Variants in ACTR1A observed in about 807,000 individuals in gnomAD.
ACTR1A encodes the protein alpha-centractin.
A neutral mutation model predicts 50.7 loss-of-function variants in ACTR1A; 10 were observed. The observed-to-expected ratio is 0.20, with a 90% CI of 0.12 to 0.33. The LOEUF is 0.33. Among genes scored for constraint, ACTR1A ranks in the 10% least tolerant of loss-of-function variants. The pLI is 1.00. For missense variants in ACTR1A, 253 were observed against 491.7 expected, an observed-to-expected ratio of 0.51 and a Z score of 4.59; for synonymous variants, 177 against 184.2, an observed-to-expected ratio of 0.96 and a Z score of 0.32.
At chr10:102,500,862 C>T (rs2062247381) in intron 1 of ACTR1A, among the ~76,000 whole-genome samples, 1 of 151,992 alleles carries the variant, frequency 6.6e-6, no homozygotes, top group Admixed American at 6.6e-5. Flanking sequence ...CGCAACAGCC[C>T]AGGAGTTTGA....
chr10:102,489,425 C>T (rs972458037), intron 2 of ACTR1A, among the ~76,000 whole-genome samples: 3 of 152,074 alleles, frequency 2.0e-5, no homozygotes, highest in African/African-American at 7.2e-5. Context: ...AGTGTATGAA[C>T]AGACCAAGAA....
At chr10:102,481,716 G>T in intron 9 of ACTR1A, 121 bp downstream of exon 9, 2 of 1,188,576 alleles carry the variant, frequency 1.7e-6, no homozygotes, top group Non-Finnish European at 2.5e-6. Context: ...GGAACCTGGC[G>T]CTGCTTGTAG....
chr10:102,502,294 GGGGGAGAGGGC>G (rs2135593594), intron 1 of ACTR1A, among the ~76,000 whole-genome samples: 1 of 152,382 alleles, frequency 6.6e-6, no homozygotes, highest in South Asian at 2.1e-4. Context: ...GATCGGAAAT[GGGGGAGAGGGC>G]GGGCGACGGG....
In ACTR1A at chr10:102,494,754, G is replaced by A. The variant is rs140218134; in HGVS notation, c.49-4141C>T. Among the ~76,000 whole-genome samples, 595 of 151,938 alleles carry A rather than the reference G, an allele frequency of 3.9e-3. 6 individuals carry two copies. The highest frequency in any genetic ancestry group is 0.013 in the African/African-American group (558 of 41,442). The stretch of plus-strand genomic sequence containing the variant: ...GAGGATTGCTTGAGGCCAAGAGTTC[G>A]AGAGACCAGCCTGGGCAACATGGCA... On this transcript the variant is annotated intron_variant, in intron 1 of 10. Transcript: ENST00000369905.
chr10:102,479,827 A>G lies in ACTR1A; in HGVS notation c.*1036T>C. 4.5e-6 allele frequency: 2 copies of G among 442,130 alleles called. No homozygotes were observed. The highest frequency in any genetic ancestry group is 2.1e-5 in the South Asian group (1 of 47,828). The allele number at this position is 442,130 out of a possible 1,614,324, so 27.4% of individuals were successfully genotyped here. On this transcript the variant is annotated 3_prime_UTR_variant, in exon 11 of 11. Transcript: ENST00000369905. This position sits in a 1 kb window ranked among gnomAD's most constrained non-coding sequence, Gnocchi z 4.0. ...AAAGAAAAATTTTACCTCCTGTTTC[A>G]GAAAATCTAACCAGCAACCAGCCTG... is the stretch of plus-strand genomic sequence containing the variant.
intron 1 of ACTR1A, among the ~76,000 whole-genome samples, chr10:102,502,178 G>C (rs1291748906): frequency 6.6e-6 from 1 of 152,250 alleles, no homozygotes; most frequent in East Asian, 1.9e-4. Context: ...CGGCAAGGAA[G>C]AATGGCAGGG....
chr10:102,490,744 A>C, intron 1 of ACTR1A, 131 bp from the exon 2 acceptor site: 1 of 652,964 alleles, frequency 1.5e-6, no homozygotes, highest in Non-Finnish European at 2.6e-6. Context: ...TGTAATCCCA[A>C]CACTTTGGGA....
chr10:102,490,481 C>T, intron 2 of ACTR1A, 68 bp downstream of exon 2: 1 of 1,334,832 alleles, frequency 7.5e-7, no homozygotes. Flanking sequence ...GGCTCCTGTC[C>T]CTTATAGGGC....
In ACTR1A at chr10:102,480,435, G is replaced by A; in HGVS notation, c.*428C>T. 4.8e-6 allele frequency: 1 copy of A among 209,512 alleles called. No individual in the cohort carries two copies. The allele number at this position is 209,512 out of a possible 1,614,324, so 13.0% of individuals were successfully genotyped here. On this transcript the variant is annotated 3_prime_UTR_variant, in exon 11 of 11. Transcript: ENST00000369905. ...TCAGGAGGCATCGATAGTGGAGGCAGCAGCTGCCTGGGGCCTCAGGGCACC... is the reference window on the plus strand; with the variant it reads ...TCAGGAGGCATCGATAGTGGAGGCAACAGCTGCCTGGGGCCTCAGGGCACC...
Position 102,488,415 on chromosome 10 carries a change from G to A in ACTR1A, c.190-140C>T. The A allele has an allele frequency of 8.2e-7, 1 of 1,216,394 alleles. No individual in the cohort carries two copies. The highest frequency in any genetic ancestry group is 2.2e-5 in the Admixed American group (1 of 46,008). 75.4% of individuals were successfully genotyped at this position (1,216,394 alleles called of 1,614,324 possible). ...CTTCCACCCTGCTGTCCTTGCCCAG[G>A]GCTAAGGGTGGGCACTCATTCTCCA... On this transcript the variant is annotated intron_variant, in intron 3 of 10. Coordinates refer to ENST00000369905, the MANE Select transcript of ACTR1A (RefSeq NM_005736.4). The surrounding 1 kb of genome is among the most constrained non-coding windows in gnomAD (Gnocchi z 4.4).
In ACTR1A at chr10:102,500,845, G is replaced by A. The variant is rs1216510453; in HGVS notation, c.48+1755C>T. ...CCCAGCACTTTGGGAGGCCAAGGTA[G>A]GAGAATCGCAACAGCCCAGGAGTTT... On this transcript the variant is annotated intron_variant, in intron 1 of 10. Coordinates refer to ENST00000369905, the MANE Select transcript of ACTR1A (RefSeq NM_005736.4). 6.6e-5 allele frequency among the ~76,000 whole-genome samples: 10 copies of A among 152,228 alleles called. No homozygotes were observed. In the East Asian group the frequency reaches 1.9e-3, roughly 29 times the overall value.
At chr10:102,497,995 GT>G (rs2062230541) in intron 1 of ACTR1A, among the ~76,000 whole-genome samples, 1 of 151,716 alleles carries the variant, frequency 6.6e-6, no homozygotes, top group South Asian at 2.1e-4. Flanking sequence ...GGAGGCTGAG[GT>G]GGGAGGATTG....
rs1374759637 is a variant in ACTR1A, at chr10:102,483,300, T to G, written c.658-197A>C. 5.4e-6 allele frequency: 3 copies of G among 551,410 alleles called. No individual in the cohort carries two copies. The Admixed American group carries it at 9.4e-5, about 17-fold the overall frequency. 34.2% of individuals were successfully genotyped at this position (551,410 alleles called of 1,614,324 possible). On this transcript the variant is annotated intron_variant, in intron 6 of 10. Transcript: ENST00000369905. Reference sequence around the variant, plus strand: ...ACTGGGTGGCATTTAGCATATGAGTTCTTAACCGCTCCACCTTCCTGATGG... The same window carrying G: ...ACTGGGTGGCATTTAGCATATGAGTGCTTAACCGCTCCACCTTCCTGATGG...
In ACTR1A at chr10:102,502,681, GC is replaced by G. The variant is rs754953978; in HGVS notation, c.-35del. The G allele has an allele frequency of 1.9e-6, 3 of 1,611,126 alleles. No homozygotes were observed. The South Asian group carries it at 3.3e-5, about 18-fold the overall frequency. The stretch of plus-strand genomic sequence containing the variant: ...AATCTCTCCTTCTGGGGAAGGAACT[GC>G]CCAGCCGGGTCCGCCGCTAGCGCCA... On this transcript the variant is annotated 5_prime_UTR_variant, in exon 1 of 11. Coordinates refer to ENST00000369905, the MANE Select transcript of ACTR1A (RefSeq NM_005736.4).
intron 1 of ACTR1A, among the ~76,000 whole-genome samples, chr10:102,493,756 T>C (rs768827681): frequency 1.3e-5 from 2 of 152,246 alleles, no homozygotes; most frequent in Non-Finnish European, 2.9e-5. Flanking sequence ...ATTTTGGCAG[T>C]ATCTGGCATT....
rs774531981 is a variant in ACTR1A at position 102,480,883 on chromosome 10, T to C, written c.1111A>G (p.Ile371Val). The C allele has an allele frequency of 5.0e-6, 8 of 1,613,776 alleles. No homozygotes were observed. In the South Asian group the frequency reaches 5.5e-5, roughly 11 times the overall value. ...KEYEEDGARS[I>V]HRKTF is the part of the protein sequence containing the mutation. Reference sequence around the variant, plus strand: ...CGACATTAGAAGGTTTTTCTGTGGATGGATCGGGCACCGTCTTCCTCATAT... The same window carrying C: ...CGACATTAGAAGGTTTTTCTGTGGACGGATCGGGCACCGTCTTCCTCATAT... Residue 371 changes from isoleucine (I) to valine (V), a missense_variant, in exon 11 of 11, where the codon ATC becomes GTC. Physicochemically the swap from Ile to Val is conservative, Grantham distance 29 (BLOSUM62 3). Around this residue, in one of 4 missense-constraint regions of ACTR1A, gnomAD observed 14 missense variants for 16.3 expected, o/e 0.86. Transcript: ENST00000369905.
chr10:102,485,834 G>A, intron 4 of ACTR1A, 101 bp from the exon 5 acceptor site: 1 of 1,523,014 alleles, frequency 6.6e-7, no homozygotes, highest in South Asian at 1.2e-5. Flanking sequence ...AGAGCCCGGG[G>A]ACTTCAGTCA....
chr10:102,499,067 C>T (rs968297245), intron 1 of ACTR1A, among the ~76,000 whole-genome samples: 7 of 152,024 alleles, frequency 4.6e-5, no homozygotes, highest in African/African-American at 1.7e-4. Context: ...AAGACGTGGT[C>T]ACAATTGTCT....
rs989989758 is a variant in ACTR1A, at chr10:102,480,667, G to A, written c.*196C>T. 5 of 606,802 alleles carry A rather than the reference G, an allele frequency of 8.2e-6. No individual in the cohort carries two copies. Among genetic ancestry groups the A allele is most frequent in the Non-Finnish European group, 1.5e-5 (5 of 338,384 alleles). The allele number at this position is 606,802 out of a possible 1,614,324, so 37.6% of individuals were successfully genotyped here. On this transcript the variant is annotated 3_prime_UTR_variant, in exon 11 of 11. Transcript: ENST00000369905. ...GTTAGTGGTCAACCCCAGGCCTCAG[G>A]CCATCACCACTGCAGGTAGTTCATC...
Sources: allele counts gnomAD v4.1 joint callset (sites outside exome capture counted in the v4.1 genomes callset), GRCh38; gene constraint gnomAD v4.1.1; regional missense constraint gnomAD v4.1.1; non-coding constraint Gnocchi (gnomAD v3.1); transcripts MANE v1.5; gene names NCBI Gene and HGNC (gene_info 2026-07-23, HGNC 2026-07-21).